KCNH8: variants seen among roughly 807,000 people sequenced by gnomAD.
KCNH8 encodes potassium voltage-gated channel subfamily H member 8.
In KCNH8, 70 loss-of-function variants were observed where a neutral mutation model predicts 103.6. That is an observed-to-expected ratio of 0.68 (90% CI 0.56 to 0.82). The LOEUF (loss-of-function observed/expected upper bound fraction) is 0.82. KCNH8 is among the 40% of genes least tolerant of loss of function. KCNH8 has a pLI of 0.00. For synonymous variants in KCNH8, 498 were observed against 489.4 expected (o/e 1.02, Z -0.23); for missense variants, 1,217 against 1,329.9 (o/e 0.92, Z 1.32).
chr3:19,297,924 T>A (rs536180175), intron 3 of KCNH8, among the ~76,000 whole-genome samples: 5 of 152,158 alleles, frequency 3.3e-5, no homozygotes, highest in Non-Finnish European at 5.9e-5. Flanking sequence ...ATTTCTAGAT[T>A]TGTAGATAGG....
At chr3:19,180,377 C>A (rs1340521048) in intron 1 of KCNH8, among the ~76,000 whole-genome samples, 1 of 151,968 alleles carries the variant, frequency 6.6e-6, no homozygotes, top group Non-Finnish European at 1.5e-5. Flanking sequence ...CTTGTTGAAA[C>A]AATTATGAAA....
chr3:19,372,869 C>A (rs76798852), intron 5 of KCNH8, among the ~76,000 whole-genome samples: 2 of 151,284 alleles, frequency 1.3e-5, no homozygotes, highest in African/African-American at 2.4e-5. Context: ...ATTGAGAGAA[C>A]CATGTGGTTT....
intron 11 of KCNH8, among the ~76,000 whole-genome samples, chr3:19,465,287 G>C (rs1042156892): frequency 3.3e-5 from 5 of 152,110 alleles, no homozygotes; most frequent in Non-Finnish European, 7.4e-5. Flanking sequence ...CCCTTAAGAA[G>C]TATGCTAAAT....
chr3:19,221,100 G>A (rs2063869335), intron 1 of KCNH8, among the ~76,000 whole-genome samples: 1 of 152,144 alleles, frequency 6.6e-6, no homozygotes, highest in Non-Finnish European at 1.5e-5. Context: ...CAATTTTGAG[G>A]TTTAGCTAAA....
intron 3 of KCNH8, among the ~76,000 whole-genome samples, chr3:19,305,647 T>C (rs2065120261): frequency 6.6e-6 from 1 of 151,968 alleles, no homozygotes. Context: ...ATGAAAAACA[T>C]ATTAGAGTAG....
intron 5 of KCNH8, among the ~76,000 whole-genome samples, chr3:19,365,601 T>G (rs771096350): frequency 6.6e-6 from 1 of 152,066 alleles, no homozygotes; most frequent in Non-Finnish European, 1.5e-5. Context: ...ATTTACTAAC[T>G]AAGCAAATAC....
chr3:19,210,856 A>G (rs769342490), intron 1 of KCNH8, among the ~76,000 whole-genome samples: 5 of 152,112 alleles, frequency 3.3e-5, no homozygotes, highest in Non-Finnish European at 4.4e-5. Context: ...TTAATATTGG[A>G]CCCTGAAAGT....
At chr3:19,221,723 G>T (rs2063876627) in intron 1 of KCNH8, among the ~76,000 whole-genome samples, 1 of 151,836 alleles carries the variant, frequency 6.6e-6, no homozygotes, top group South Asian at 2.1e-4. Flanking sequence ...AAAGTTTAAT[G>T]TCATTTGGTG....
intron 7 of KCNH8, among the ~76,000 whole-genome samples, chr3:19,398,055 G>A (rs1164586568): frequency 3.3e-5 from 5 of 151,906 alleles, no homozygotes; most frequent in Admixed American, 6.6e-5. Context: ...GAGAGAGCAT[G>A]TTGTTCCTTA....
chr3:19,148,662 C>T lies in KCNH8; in HGVS notation c.-58C>T. The T allele has an allele frequency of 3.2e-6, 5 of 1,559,036 alleles. No individual in the cohort carries two copies. The highest frequency in any genetic ancestry group is 4.5e-5 in the East Asian group (2 of 44,632). On this transcript the variant is annotated 5_prime_UTR_variant, in exon 1 of 16. Transcript: ENST00000328405. ...CCCCTTCTCCCTTCTTGGCACTTTC[C>T]TTTCGAACCATCCTTCTGGACAAAC...
intron 5 of KCNH8, among the ~76,000 whole-genome samples, chr3:19,357,996 A>T (rs1329119609): frequency 1.3e-5 from 2 of 151,898 alleles, no homozygotes; most frequent in Non-Finnish European, 2.9e-5. Flanking sequence ...ATTATAAAGG[A>T]TTAAAAAGAA....
intron 3 of KCNH8, among the ~76,000 whole-genome samples, chr3:19,308,728 CCCTCTCT>C (rs1339356133): frequency 0.057 from 2,354 of 41,574 alleles, 611 homozygotes; most frequent in African/African-American, 0.071. Context: ...CCCCCTCTCT[CCCTCTCT>C]CCCTCTCTCC....
intron 5 of KCNH8, among the ~76,000 whole-genome samples, chr3:19,374,020 T>C (rs965587246): frequency 6.6e-6 from 1 of 152,210 alleles, no homozygotes; most frequent in Non-Finnish European, 1.5e-5. Context: ...AGGAGTGCTT[T>C]ACTTCCAAGT....
chr3:19,377,110 AATG>A (rs1212456174), intron 5 of KCNH8, among the ~76,000 whole-genome samples: 2 of 152,250 alleles, frequency 1.3e-5, no homozygotes, highest in East Asian at 3.8e-4. Context: ...TATGCTAGGC[AATG>A]ATGAATCCTG....
At chr3:19,385,932 C>T (rs1053231095) in intron 5 of KCNH8, among the ~76,000 whole-genome samples, 2 of 152,170 alleles carry the variant, frequency 1.3e-5, no homozygotes, top group African/African-American at 2.4e-5. Flanking sequence ...GGTGCATATG[C>T]TTTCATGCAC....
intron 7 of KCNH8, among the ~76,000 whole-genome samples, chr3:19,410,646 A>T (rs2066761906): frequency 2.0e-5 from 3 of 152,014 alleles, no homozygotes; most frequent in Admixed American, 2.0e-4. Context: ...AGACCACAAG[A>T]TTATCAAAGA....
chr3:19,457,999 CTA>C, intron 11 of KCNH8, among the ~76,000 whole-genome samples: 1 of 152,018 alleles, frequency 6.6e-6, no homozygotes, highest in African/African-American at 2.4e-5. Flanking sequence ...CATTTACTGG[CTA>C]TGTTTTATGT....
intron 3 of KCNH8, among the ~76,000 whole-genome samples, chr3:19,331,550 C>T (rs565915492): frequency 1.3e-5 from 2 of 152,172 alleles, no homozygotes; most frequent in South Asian, 4.1e-4. Flanking sequence ...CTCGGCCTCC[C>T]AAAGTGCTGG....
intron 1 of KCNH8, among the ~76,000 whole-genome samples, chr3:19,253,425 T>C (rs1218139413): frequency 6.6e-6 from 1 of 151,888 alleles, no homozygotes; most frequent in South Asian, 2.1e-4. Context: ...TGAACATGTA[T>C]GTTTCTTCCA....
Sources: allele counts gnomAD v4.1 joint callset (sites outside exome capture counted in the v4.1 genomes callset), GRCh38; gene constraint gnomAD v4.1.1; transcripts MANE v1.5; gene names NCBI Gene and HGNC (gene_info 2026-07-23, HGNC 2026-07-21).